WWOX: variants seen among roughly 807,000 people sequenced by gnomAD.
The protein encoded by WWOX is WW domain-containing oxidoreductase.
WWOX carries 69 observed loss-of-function variants against 46.2 expected under a neutral mutation model. That is an observed-to-expected ratio of 1.49 (90% confidence interval 1.23 to 1.82). The LOEUF (loss-of-function observed/expected upper bound fraction) is 1.82. Among genes scored for constraint, WWOX ranks in the 40% most tolerant of loss-of-function variants. The pLI is 0.00. For missense variants in WWOX, 919 were observed against 542.6 expected (o/e 1.69, Z -6.89); for synonymous variants, 359 against 202.6 (o/e 1.77, Z -6.56).
At chr16:79,065,498 C>G (rs1330330204) in intron 8 of WWOX, among the ~76,000 whole-genome samples, 5 of 152,144 alleles carry the variant, frequency 3.3e-5, no homozygotes, top group Non-Finnish European at 7.3e-5. Flanking sequence ...TCACAAGTCC[C>G]AGGCCTAGGT....
chr16:78,504,005 A>G (rs1016261747), intron 8 of WWOX, among the ~76,000 whole-genome samples: 1 of 152,220 alleles, frequency 6.6e-6, no homozygotes, highest in African/African-American at 2.4e-5. Context: ...GTGTGATGAA[A>G]TAAATAACAT....
chr16:78,793,780 C>G (rs994212698), intron 8 of WWOX, among the ~76,000 whole-genome samples: 8 of 151,758 alleles, frequency 5.3e-5, no homozygotes, highest in Non-Finnish European at 1.0e-4. Context: ...AGGTTAGAAA[C>G]AATGAAAATT....
rs532919997 is a variant in WWOX, at chr16:78,580,412, C to T, written c.1056+147660C>T. Among the ~76,000 whole-genome samples the T allele has an allele frequency of 1.5e-3, 221 of 152,276 alleles. 1 individual carries two copies. The highest frequency in any genetic ancestry group is 5.2e-3 in the African/African-American group (217 of 41,556). ...TTCAGTCAATGCTGAGCACCAATTACAGATTGATTGCCTCTGTGATTCCAG... is the reference window on the plus strand; with the variant it reads ...TTCAGTCAATGCTGAGCACCAATTATAGATTGATTGCCTCTGTGATTCCAG... On this transcript the variant is annotated intron_variant, in intron 8 of 8. Coordinates refer to ENST00000566780, the MANE Select transcript of WWOX (RefSeq NM_016373.4).
intron 8 of WWOX, among the ~76,000 whole-genome samples, chr16:78,678,430 T>G (rs2047654332): frequency 6.6e-6 from 1 of 152,218 alleles, no homozygotes; most frequent in South Asian, 2.1e-4. Context: ...TATTTTAGTT[T>G]GGCCTCAATC....
At chr16:79,025,021 G>T (rs539197092) in intron 8 of WWOX, among the ~76,000 whole-genome samples, 1 of 152,326 alleles carries the variant, frequency 6.6e-6, no homozygotes, top group African/African-American at 2.4e-5. Flanking sequence ...GCACCGCCAG[G>T]CCCAGTTGGG....
chr16:78,628,298 C>T (rs949727790), intron 8 of WWOX, among the ~76,000 whole-genome samples: 4 of 152,150 alleles, frequency 2.6e-5, no homozygotes, highest in Non-Finnish European at 4.4e-5. Context: ...GTTTCCCTTT[C>T]TTTTCAGTTC....
At chr16:79,137,392 T>G (rs902206765) in intron 8 of WWOX, among the ~76,000 whole-genome samples, 2 of 152,232 alleles carry the variant, frequency 1.3e-5, no homozygotes, top group Admixed American at 6.5e-5. Flanking sequence ...ATTCAGTTTT[T>G]ATCACAGCTG....
intron 8 of WWOX, among the ~76,000 whole-genome samples, chr16:78,600,946 C>G (rs190744565): frequency 1.6e-3 from 240 of 152,236 alleles, no homozygotes; most frequent in Middle Eastern, 6.8e-3. Context: ...TTTGGAGGTA[C>G]CTGGGCAAGA....
At chr16:78,840,758 G>A (rs1019076022) in intron 8 of WWOX, among the ~76,000 whole-genome samples, 1 of 151,320 alleles carries the variant, frequency 6.6e-6, no homozygotes, top group Non-Finnish European at 1.5e-5. Context: ...ACATATATAT[G>A]TATATATATA....
intron 8 of WWOX, among the ~76,000 whole-genome samples, chr16:78,697,111 T>C (rs560544318): frequency 1.6e-3 from 250 of 152,368 alleles, no homozygotes; most frequent in African/African-American, 5.9e-3. Context: ...TGTGAATTGT[T>C]GTGCTGTAAA....
chr16:78,867,563 C>T (rs553532859), intron 8 of WWOX, among the ~76,000 whole-genome samples: 8 of 150,478 alleles, frequency 5.3e-5, no homozygotes, highest in South Asian at 2.1e-4. Flanking sequence ...TTTTTTAAGA[C>T]GGAGCTTTGC....
rs1027300563 is a variant in WWOX at position 79,135,075 on chromosome 16, A to T, written c.1057-76533A>T. On this transcript the variant is annotated intron_variant, in intron 8 of 8. Coordinates refer to ENST00000566780, the MANE Select transcript of WWOX (RefSeq NM_016373.4). ...AAAAATATATACAAATAATACATAA[A>T]CATTGTTTTTCACTGTGGCTTGAAT... 4.6e-5 allele frequency among the ~76,000 whole-genome samples: 7 copies of T among 152,314 alleles called. No individual in the cohort carries two copies. In the South Asian group the frequency reaches 6.2e-4, roughly 14 times the overall value.
intron 4 of WWOX, chr16:78,123,456 T>TTTTTTTTTTTTTTTTTTG (rs2033215930): frequency 6.9e-5 from 1 of 14,438 alleles, no homozygotes; most frequent in East Asian, 2.1e-3. Context: ...TTTTTTTTTG[T>TTTTTTTTTTTTTTTTTTG]TTTTTTTTTT....
At chr16:78,934,821 T>G (rs2045702135) in intron 8 of WWOX, among the ~76,000 whole-genome samples, 1 of 152,158 alleles carries the variant, frequency 6.6e-6, no homozygotes, top group South Asian at 2.1e-4. Context: ...AGAAGCAGAC[T>G]GGGCATGGTG....
In WWOX at chr16:78,310,227, T is replaced by C. The variant is rs192661890; in HGVS notation, c.517-76633T>C. Among the ~76,000 whole-genome samples, 345 of 152,298 alleles carry C rather than the reference T, an allele frequency of 2.3e-3. 3 individuals are homozygous for C. The highest frequency in any genetic ancestry group is 7.8e-3 in the African/African-American group (326 of 41,562). On this transcript the variant is annotated intron_variant, in intron 5 of 8. Coordinates refer to ENST00000566780, the MANE Select transcript of WWOX (RefSeq NM_016373.4). ...TTCCTTCTACCCACGAATTTTCTTATGCTACACACACAACCCACTGAAATT... is the reference window on the plus strand; with the variant it reads ...TTCCTTCTACCCACGAATTTTCTTACGCTACACACACAACCCACTGAAATT...
intron 8 of WWOX, among the ~76,000 whole-genome samples, chr16:79,040,138 C>G (rs1377682150): frequency 6.6e-6 from 1 of 152,086 alleles, no homozygotes; most frequent in East Asian, 1.9e-4. Flanking sequence ...CAGTAATGTA[C>G]TTGGAATGGA....
chr16:78,857,532 G>A lies in WWOX; in HGVS notation c.1057-354076G>A, dbSNP rs193269656. Among the ~76,000 whole-genome samples the A allele has an allele frequency of 2.6e-5, 4 of 152,206 alleles. No homozygotes were observed. In the East Asian group the frequency reaches 7.7e-4, roughly 29 times the overall value. On this transcript the variant is annotated intron_variant, in intron 8 of 8. Coordinates refer to ENST00000566780, the MANE Select transcript of WWOX (RefSeq NM_016373.4). The stretch of plus-strand genomic sequence containing the variant: ...CTTTAATGCGATTAAGACTTGTTCT[G>A]AGAAATCAGTCACCCATCTACCCAA...
At chr16:78,769,806 A>C (rs1417332693) in intron 8 of WWOX, among the ~76,000 whole-genome samples, 1 of 151,302 alleles carries the variant, frequency 6.6e-6, no homozygotes, top group African/African-American at 2.4e-5. Flanking sequence ...CAGGAGTTCG[A>C]GATCAGTGTG....
intron 8 of WWOX, chr16:79,017,451 A>AAAAAAAAAAAAAAAAAG (rs2047439633): frequency 6.7e-6 from 1 of 148,856 alleles, no homozygotes; most frequent in African/African-American, 2.5e-5. Context: ...AAAAAAAAAA[A>AAAAAAAAAAAAAAAAAG]AAAAAAAAAA....
Sources: allele counts gnomAD v4.1 joint callset (sites outside exome capture counted in the v4.1 genomes callset), GRCh38; gene constraint gnomAD v4.1.1; transcripts MANE v1.5; gene names NCBI Gene and HGNC (gene_info 2026-07-23, HGNC 2026-07-21).